CDH13: variants seen among roughly 807,000 people sequenced by gnomAD.
The protein encoded by CDH13 is cadherin 13.
In CDH13, 24 loss-of-function variants were observed where a neutral mutation model predicts 63.8. The ratio of observed to expected loss-of-function variants is 0.38; its 90% CI spans 0.27 to 0.53. The LOEUF (loss-of-function observed/expected upper bound fraction) is 0.53. CDH13 is among the 20% of genes least tolerant of loss of function. The pLI is 0.85. For missense variants in CDH13, 1,049 were observed against 903.1 expected (o/e 1.16, Z -2.07); for synonymous variants, 503 against 355.3 (o/e 1.42, Z -4.67).
chr16:82,654,119 G>A (rs1042129702), intron 1 of CDH13, among the ~76,000 whole-genome samples: 8 of 152,062 alleles, frequency 5.3e-5, no homozygotes, highest in African/African-American at 1.9e-4. Context: ...TCTATTTCCG[G>A]CCTACACTGC....
chr16:82,720,613 C>A (rs996248676), intron 1 of CDH13, among the ~76,000 whole-genome samples: 1 of 151,976 alleles, frequency 6.6e-6, no homozygotes, highest in Non-Finnish European at 1.5e-5. Flanking sequence ...CCGGGGAAAA[C>A]CCACACAAAC....
intron 5 of CDH13, among the ~76,000 whole-genome samples, chr16:83,246,501 T>C (rs1324681191): frequency 6.6e-6 from 1 of 152,118 alleles, no homozygotes; most frequent in Non-Finnish European, 1.5e-5. Flanking sequence ...CCTGGCATTC[T>C]TCCTCTTCTC....
chr16:82,928,813 G>C (rs140054645), intron 2 of CDH13, among the ~76,000 whole-genome samples: 6 of 152,226 alleles, frequency 3.9e-5, no homozygotes, highest in African/African-American at 1.2e-4. Flanking sequence ...AAAGGTTGGA[G>C]ATTGGGGTGA....
At chr16:83,013,686 A>G (rs1914388969) in intron 2 of CDH13, among the ~76,000 whole-genome samples, 1 of 152,230 alleles carries the variant, frequency 6.6e-6, no homozygotes, top group African/African-American at 2.4e-5. Flanking sequence ...TACCTGACAT[A>G]GAGACAATCT....
At chr16:82,651,529 G>A (rs777716098) in intron 1 of CDH13, among the ~76,000 whole-genome samples, 20 of 152,234 alleles carry the variant, frequency 1.3e-4, no homozygotes, top group East Asian at 3.8e-4. Context: ...TATGGGTGGC[G>A]TATCTTCTTA....
chr16:83,428,144 G>T lies in CDH13; in HGVS notation c.782-58333G>T, dbSNP rs540702344. On this transcript the variant is annotated intron_variant, in intron 6 of 13. Transcript: ENST00000567109. ...TAGCAGCATTTGAATAGGGGGAAAT[G>T]GCACCTTTTGACTGCTCATGTTTAT... Among the ~76,000 whole-genome samples the T allele has an allele frequency of 2.0e-5, 3 of 152,272 alleles. No homozygotes were observed. The South Asian group carries it at 6.2e-4, about 32-fold the overall frequency.
At chr16:82,832,982 G>C (rs946434195) in intron 1 of CDH13, among the ~76,000 whole-genome samples, 1 of 152,154 alleles carries the variant, frequency 6.6e-6, no homozygotes, top group Non-Finnish European at 1.5e-5. Flanking sequence ...CCATGGATTA[G>C]CAATATGTGT....
chr16:83,687,532 T>G (rs1373526042), intron 10 of CDH13, among the ~76,000 whole-genome samples: 1 of 152,194 alleles, frequency 6.6e-6, no homozygotes, highest in Non-Finnish European at 1.5e-5. Flanking sequence ...TTAACTCCCC[T>G]GATCCCATCG....
chr16:83,496,871 A>G (rs964786115), intron 7 of CDH13, among the ~76,000 whole-genome samples: 1 of 152,256 alleles, frequency 6.6e-6, no homozygotes, highest in Non-Finnish European at 1.5e-5. Context: ...GACACTTCTC[A>G]AAAGAAGACG....
intron 10 of CDH13, among the ~76,000 whole-genome samples, chr16:83,704,393 C>A (rs1023550668): frequency 6.6e-6 from 1 of 152,048 alleles, no homozygotes; most frequent in South Asian, 2.1e-4. Flanking sequence ...TCCCATGCAC[C>A]AAGCCCCTTA....
chr16:83,558,319 TC>T (rs1358795870), intron 7 of CDH13, among the ~76,000 whole-genome samples: 1 of 152,100 alleles, frequency 6.6e-6, no homozygotes, highest in Non-Finnish European at 1.5e-5. Flanking sequence ...TAAAGAGTCT[TC>T]CAGCAGCCAC....
chr16:83,573,064 T>C (rs1435381922), intron 7 of CDH13, among the ~76,000 whole-genome samples: 1 of 152,188 alleles, frequency 6.6e-6, no homozygotes, highest in Non-Finnish European at 1.5e-5. Context: ...AAGAACATCA[T>C]CTCACACCAT....
At chr16:82,680,445 C>G (rs771664030) in intron 1 of CDH13, among the ~76,000 whole-genome samples, 8 of 151,890 alleles carry the variant, frequency 5.3e-5, no homozygotes, top group Non-Finnish European at 1.2e-4. Context: ...AAGTGTGATT[C>G]TTGTAGCAAT....
At chr16:83,466,671 C>G (rs2073325182) in intron 6 of CDH13, among the ~76,000 whole-genome samples, 1 of 152,196 alleles carries the variant, frequency 6.6e-6, no homozygotes, top group Non-Finnish European at 1.5e-5. Context: ...TTATCATAGA[C>G]AAGGAACAAA....
At chr16:83,164,880 C>T (rs2037597216) in intron 4 of CDH13, among the ~76,000 whole-genome samples, 1 of 138,824 alleles carries the variant, frequency 7.2e-6, no homozygotes, top group African/African-American at 3.1e-5. Context: ...ACAAAGTGGA[C>T]ATTATTATCT....
chr16:83,501,991 T>G (rs1008092183), intron 7 of CDH13, among the ~76,000 whole-genome samples: 1 of 152,226 alleles, frequency 6.6e-6, no homozygotes, highest in Admixed American at 6.5e-5. Context: ...ATCTGAGCTC[T>G]GCATCTTATT....
At chr16:83,754,559 G>C (rs1030809108) in intron 11 of CDH13, among the ~76,000 whole-genome samples, 2 of 152,172 alleles carry the variant, frequency 1.3e-5, no homozygotes, top group African/African-American at 4.8e-5. Context: ...CTGTGGGAGG[G>C]ACCCAGTGGG....
At chr16:82,950,100 T>G (rs921365429) in intron 2 of CDH13, among the ~76,000 whole-genome samples, 4 of 152,116 alleles carry the variant, frequency 2.6e-5, no homozygotes, top group African/African-American at 9.7e-5. Flanking sequence ...ACAAAATAAA[T>G]TTCCTGTCAA....
chr16:83,172,618 A>G (rs7194072), intron 4 of CDH13, among the ~76,000 whole-genome samples: 33,160 of 151,962 alleles, frequency 0.22, 6,081 homozygotes, highest in African/African-American at 0.5. Flanking sequence ...GCTAGGAGAC[A>G]GGCTTGGAAC....
Sources: allele counts gnomAD v4.1 joint callset (sites outside exome capture counted in the v4.1 genomes callset), GRCh38; gene constraint gnomAD v4.1.1; transcripts MANE v1.5; gene names NCBI Gene and HGNC (gene_info 2026-07-23, HGNC 2026-07-21).